DPP8: variants seen among roughly 807,000 people sequenced by gnomAD.
DPP8 encodes dipeptidyl peptidase 8.
In DPP8, 31 loss-of-function variants were observed where a neutral mutation model predicts 107.5. That is an observed-to-expected ratio of 0.29 (90% confidence interval 0.22 to 0.39). The LOEUF (loss-of-function observed/expected upper bound fraction) is 0.39. Ranked by LOEUF, DPP8 falls within the 10% of genes least tolerant of loss-of-function variation. DPP8 has a pLI of 1.00. For missense variants in DPP8, 842 were observed against 1,076.1 expected (o/e 0.78, Z 3.04); for synonymous variants, 381 against 356.6 (o/e 1.07, Z -0.77).
At position 65,445,790 on chromosome 15, in the gene DPP8, T is replaced by C. The variant is rs761915887; in HGVS notation, c.*1094A>G. On this transcript the variant is annotated 3_prime_UTR_variant, in exon 20 of 20. Coordinates refer to ENST00000300141, the MANE Select transcript of DPP8 (RefSeq NM_130434.5). ...CTCTGTAGCTGTGCTGGCAAGACAG[T>C]GATTTATTGATTCTGGTTTCCTTAA... The C allele has an allele frequency of 6.6e-5, 10 of 152,376 alleles. No homozygotes were observed. The highest frequency in any genetic ancestry group is 1.5e-4 in the Non-Finnish European group (10 of 68,016). 9.4% of individuals were successfully genotyped at this position (152,376 alleles called of 1,614,324 possible).
chr15:65,448,722 ATAAAATATACATATATATC>A (rs1162094370), intron 19 of DPP8, among the ~76,000 whole-genome samples: 6,074 of 138,058 alleles, frequency 0.044, 348 homozygotes, highest in African/African-American at 0.11. Flanking sequence ...ACATATATAT[ATAAAATATACATATATATC>A]TAAAATATAC....
Position 65,444,664 on chromosome 15 carries a change from A to G in DPP8, c.*2220T>C, listed in dbSNP as rs1028392256. On this transcript the variant is annotated 3_prime_UTR_variant, in exon 20 of 20. Coordinates refer to ENST00000300141, the MANE Select transcript of DPP8 (RefSeq NM_130434.5). ...TGATAATAGAAGCATTCTTTGTGATAGGAGGAAAGGAGAAGGCAACATGCA... is the reference window on the plus strand; with the variant it reads ...TGATAATAGAAGCATTCTTTGTGATGGGAGGAAAGGAGAAGGCAACATGCA... The G allele has an allele frequency of 1.4e-4, 22 of 152,230 alleles. No homozygotes were observed. Among genetic ancestry groups the G allele is most frequent in the African/African-American group, 5.3e-4 (22 of 41,470 alleles). The allele number at this position is 152,230 out of a possible 1,614,324, so 9.4% of individuals were successfully genotyped here. A position where few individuals can be genotyped will look rare whatever the true frequency, so the allele number is the denominator to read the frequency against.
chr15:65,499,061 C>G (rs1043133296), intron 4 of DPP8, among the ~76,000 whole-genome samples: 1 of 115,592 alleles, frequency 8.7e-6, no homozygotes, highest in Non-Finnish European at 1.7e-5. Flanking sequence ...GTCTCCCCCC[C>G]AAAAAAAAAG....
chr15:65,491,932 CTG>C (rs1219351994), intron 5 of DPP8, among the ~76,000 whole-genome samples: 1 of 152,106 alleles, frequency 6.6e-6, no homozygotes, highest in African/African-American at 2.4e-5. Flanking sequence ...CGGGGTTTCA[CTG>C]TGTTAGCCAG....
chr15:65,506,422 T>A (rs1343967596), intron 3 of DPP8, among the ~76,000 whole-genome samples: 1 of 151,996 alleles, frequency 6.6e-6, no homozygotes, highest in African/African-American at 2.4e-5. Context: ...AACATTATCT[T>A]TGGGATATTT....
chr15:65,498,206 G>C (rs1354751022), intron 4 of DPP8, among the ~76,000 whole-genome samples, 174 bp from the exon 5 acceptor site: 1 of 152,184 alleles, frequency 6.6e-6, no homozygotes, highest in East Asian at 1.9e-4. Flanking sequence ...CAGATCACCT[G>C]AAGTCAGGAG....
chr15:65,464,697 A>G (rs2065194976), intron 14 of DPP8, among the ~76,000 whole-genome samples: 1 of 152,180 alleles, frequency 6.6e-6, no homozygotes, highest in Admixed American at 6.5e-5. Context: ...CTCGACAACA[A>G]CAAAAACCCA....
chr15:65,460,340 C>T (rs933631290), intron 15 of DPP8, among the ~76,000 whole-genome samples: 5 of 151,770 alleles, frequency 3.3e-5, no homozygotes, highest in Non-Finnish European at 7.4e-5. Flanking sequence ...CTACTAGGGA[C>T]GCTGAAGCAG....
intron 16 of DPP8, 54 bp from the exon 17 acceptor site, chr15:65,454,469 G>A: frequency 6.8e-7 from 1 of 1,461,928 alleles, no homozygotes; most frequent in Non-Finnish European, 9.2e-7. Context: ...AGTCTCGTAA[G>A]AGTGCTTTCA....
rs200256012 is a variant in DPP8 at position 65,451,288 on chromosome 15, AG to A, written c.2415-179del. Among the ~76,000 whole-genome samples the A allele has an allele frequency of 8.5e-5, 13 of 152,364 alleles. No individual in the cohort carries two copies. In the East Asian group the frequency reaches 2.5e-3, roughly 29 times the overall value. ...ATTAACCAGATGCCACATGCAATGA[AG>A]GATTAAAAAAAGATCTTGTGTTCAA... On this transcript the variant is annotated intron_variant, in intron 18 of 19. Transcript: ENST00000300141.
chr15:65,479,477 G>GT (rs2066701293), intron 10 of DPP8, among the ~76,000 whole-genome samples: 1 of 152,254 alleles, frequency 6.6e-6, no homozygotes, highest in South Asian at 2.1e-4. Context: ...CAGCTAGGAA[G>GT]TGAGATGGCT....
At chr15:65,511,952 A>T in intron 2 of DPP8, 1 of 388,314 alleles carries the variant, frequency 2.6e-6, no homozygotes, top group Admixed American at 3.3e-5. Flanking sequence ...AAAAAACAAA[A>T]GCAGCAGCTG....
chr15:65,466,279 C>T (rs2065342116), intron 14 of DPP8, among the ~76,000 whole-genome samples: 1 of 152,264 alleles, frequency 6.6e-6, no homozygotes, highest in East Asian at 1.9e-4. Context: ...GCTGGGACAA[C>T]AGGCACACAG....
intron 14 of DPP8, among the ~76,000 whole-genome samples, chr15:65,464,632 G>A (rs2065189081): frequency 6.6e-6 from 1 of 152,034 alleles, no homozygotes; most frequent in African/African-American, 2.4e-5. Flanking sequence ...ACATTGAGCT[G>A]TGCCCTGTGA....
intron 6 of DPP8, among the ~76,000 whole-genome samples, chr15:65,488,565 A>C (rs1329928723): frequency 4.3e-5 from 6 of 140,068 alleles, no homozygotes; most frequent in Non-Finnish European, 3.0e-5. Context: ...CTGAGATTGC[A>C]CCACTGCACT....
chr15:65,455,791 A>G (rs1166845318), intron 16 of DPP8: 1 of 1,289,328 alleles, frequency 7.8e-7, no homozygotes, highest in South Asian at 1.2e-5. Context: ...TCATTTCCCA[A>G]AGCAGCAGAA....
chr15:65,445,127 A>G lies in DPP8; in HGVS notation c.*1757T>C, dbSNP rs1377016154. On this transcript the variant is annotated 3_prime_UTR_variant, in exon 20 of 20. Coordinates refer to ENST00000300141, the MANE Select transcript of DPP8 (RefSeq NM_130434.5). The stretch of plus-strand genomic sequence containing the variant: ...AACAGCAAAACCCAATACCTTTCCC[A>G]ACGACAGAACCACCATATCATCCTG... 1 of 152,136 alleles carries G rather than the reference A, an allele frequency of 6.6e-6. No homozygotes were observed. The highest frequency in any genetic ancestry group is 2.4e-5 in the African/African-American group (1 of 41,426). The allele number at this position is 152,136 out of a possible 1,614,324, so 9.4% of individuals were successfully genotyped here.
intron 3 of DPP8, among the ~76,000 whole-genome samples, chr15:65,501,382 C>CTT (rs1567271451): frequency 6.6e-6 from 1 of 152,186 alleles, no homozygotes; most frequent in East Asian, 1.9e-4. Flanking sequence ...CTTTCTACAA[C>CTT]TTAACTATAA....
At chr15:65,499,963 T>G (rs534728359) in intron 4 of DPP8, among the ~76,000 whole-genome samples, 18 of 151,992 alleles carry the variant, frequency 1.2e-4, no homozygotes, top group Non-Finnish European at 2.4e-4. Flanking sequence ...AGTGGCACAA[T>G]CACAGTTCAC....
Sources: gnomAD v4.1 joint callset for allele counts (sites outside exome capture counted in the v4.1 genomes callset) on GRCh38, gnomAD v4.1.1 for gene constraint, MANE v1.5 for transcripts, NCBI Gene and HGNC (gene_info 2026-07-23, HGNC 2026-07-21) for gene names.